The following OR5B3 variants were observed in gnomAD, a reference collection of about 807,000 sequenced individuals.
The protein encoded by OR5B3 is olfactory receptor family 5 subfamily B member 3.
For missense variants in OR5B3, 430 were observed against 375.4 expected (o/e 1.15, Z -1.20); for synonymous variants, 150 against 135.0 (o/e 1.11, Z -0.77).
At chr11:58,405,103 G>A (rs1855083515) in intron 1 of OR5B3, among the ~76,000 whole-genome samples, 1 of 152,056 alleles carries the variant, frequency 6.6e-6, no homozygotes, top group African/African-American at 2.4e-5. Flanking sequence ...TTATGTCCAT[G>A]TGTTCTCATA....
At position 58,403,306 on chromosome 11, in the gene OR5B3, A is replaced by G. The variant is rs1855060825; in HGVS notation, c.104T>C (p.Ile35Thr). The change falls in exon 2 of 2, where the codon ATC (isoleucine) becomes ACC (threonine). Residue 35 changes from isoleucine (I) to threonine (T), a missense_variant. Ile to Thr is a moderately conservative substitution (Grantham distance 89). Transcript: ENST00000641865. ...AATTCCCAGGTTTCCAACCAGAGTG[A>G]TAATATAGATGAAGGGGAACGTTAT... ...LFITFPFIYIITLVGNLGIIV... is the reference protein window; with the variant it reads ...LFITFPFIYITTLVGNLGIIV... The G allele has an allele frequency of 1.9e-6, 3 of 1,612,756 alleles. No homozygotes were observed. The highest frequency in any genetic ancestry group is 2.5e-6 in the Non-Finnish European group (3 of 1,178,894).
Position 58,402,956 on chromosome 11 carries a change from G to A in OR5B3, c.454C>T (p.Leu152=), listed in dbSNP as rs1311207558. The A allele has an allele frequency of 2.5e-6, 4 of 1,613,964 alleles. No homozygotes were observed. In the Admixed American group the frequency reaches 6.7e-5, roughly 27 times the overall value. ...TCCCCAGTGTGGATGGAGGCATTCA[G>A]GAAACCACAGAGGTAGGAGCCTATG... The part of the protein sequence containing the change: ...LAIGSYLCGF[L]NASIHTGDTF... The change falls in exon 2 of 2, where the codon CTG becomes TTG. Residue 152 remains leucine, a synonymous_variant. Coordinates refer to ENST00000641865, the MANE Select transcript of OR5B3 (RefSeq NM_001005469.2).
At chr11:58,406,217 G>GAAT (rs1554989638) in intron 1 of OR5B3, among the ~76,000 whole-genome samples, 13 of 151,784 alleles carry the variant, frequency 8.6e-5, no homozygotes, top group African/African-American at 3.1e-4. Flanking sequence ...GAGTTAGATA[G>GAAT]TATTATTACT....
In OR5B3 at chr11:58,402,665, A is replaced by G. The variant is rs780475439; in HGVS notation, c.745T>C (p.Phe249Leu). Residue 249 changes from phenylalanine to leucine, a missense_variant, in exon 2 of 2, where the codon TTC (phenylalanine) becomes CTC (leucine). Coordinates refer to ENST00000641865, the MANE Select transcript of OR5B3 (RefSeq NM_001005469.2). ...TACATGAAGATAATAGTCCCATAGA[A>G]GATGCCGACTGCAATGAAATGAGAG... The part of the protein sequence containing the change: ...CASHFIAVGI[F>L]YGTIIFMYLQ... 6.2e-7 allele frequency: 1 copy of G among 1,613,954 alleles called. No individual in the cohort carries two copies. The highest frequency in any genetic ancestry group is 1.1e-5 in the South Asian group (1 of 91,084).
chr11:58,403,087 A>C lies in OR5B3; in HGVS notation c.323T>G (p.Val108Gly). 6.2e-7 allele frequency: 1 copy of C among 1,614,140 alleles called. No homozygotes were observed. Among genetic ancestry groups the C allele is most frequent in the Non-Finnish European group, 8.5e-7 (1 of 1,179,992 alleles). Reference protein sequence around the residue: ...QMYIFVAFATVENYLLASMAY... With the variant: ...QMYIFVAFATGENYLLASMAY... ...CATTGAGGCCAAGAGGTAATTTTCC[A>C]CAGTGGCAAAAGCTACAAAGATATA... is the stretch of plus-strand genomic sequence containing the variant. The change falls in exon 2 of 2, where the codon GTG (valine) becomes GGG (glycine). Residue 108 changes from valine (V) to glycine (G), a missense_variant. Transcript: ENST00000641865.
rs749639742 is a variant in OR5B3 at position 58,402,566 on chromosome 11, T to A, written c.844A>T (p.Met282Leu). The change falls in exon 2 of 2, where the codon ATG (methionine) becomes TTG (leucine). Residue 282 changes from methionine to leucine, a missense_variant. By Grantham distance (15) the Met-to-Leu change is conservative. Coordinates refer to ENST00000641865, the MANE Select transcript of OR5B3 (RefSeq NM_001005469.2). ...AGACTATAGACCAGAGGGTTCAGCA[T>A]GGGGATGACCATTGTATAGAACACA... Reference protein sequence around the residue: ...APVFYTMVIPMLNPLVYSLRN... With the variant: ...APVFYTMVIPLLNPLVYSLRN... 1.2e-6 allele frequency: 2 copies of A among 1,613,410 alleles called. No individual in the cohort carries two copies. The highest frequency in any genetic ancestry group is 1.1e-5 in the South Asian group (1 of 91,062).
chr11:58,403,029 G>GC lies in OR5B3; in HGVS notation c.380_381insG (p.Leu128ProfsTer36), dbSNP rs1855053474. The GC allele has an allele frequency of 6.2e-7, 1 of 1,613,912 alleles. No individual in the cohort carries two copies. The highest frequency in any genetic ancestry group is 1.3e-5 in the African/African-American group (1 of 74,912). On this transcript the variant is annotated frameshift_variant, in exon 2 of 2. Transcript: ENST00000641865. LOFTEE classifies it low-confidence loss of function (END_TRUNC). ...TTGTCATGGTTGTGGTGTAATGTAGGGGTTTGCACACTGCTGCATAGCGGT... is the reference window on the plus strand; with the variant it reads ...TTGTCATGGTTGTGGTGTAATGTAGGCGGTTTGCACACTGCTGCATAGCGGT...
At chr11:58,404,937 C>T (rs1002163535) in intron 1 of OR5B3, among the ~76,000 whole-genome samples, 1 of 152,062 alleles carries the variant, frequency 6.6e-6, no homozygotes, top group Non-Finnish European at 1.5e-5. Flanking sequence ...AAGGGTTACA[C>T]GTGCAGATTT....
Position 58,402,576 on chromosome 11 carries a change from C to A in OR5B3, c.834G>T (p.Met278Ile). Residue 278 changes from methionine to isoleucine, a missense_variant, in exon 2 of 2, where the codon ATG becomes ATT. By Grantham distance (10) the Met-to-Ile change is conservative (BLOSUM62 1). Transcript: ENST00000641865. Reference protein sequence around the residue: ...TDKMAPVFYTMVIPMLNPLVY... With the variant: ...TDKMAPVFYTIVIPMLNPLVY... ...CCAGAGGGTTCAGCATGGGGATGAC[C>A]ATTGTATAGAACACAGGTGCCATTT... 1.9e-6 allele frequency: 3 copies of A among 1,613,336 alleles called. No individual in the cohort carries two copies. Among genetic ancestry groups the A allele is most frequent in the South Asian group, 1.1e-5 (1 of 91,052 alleles).
Position 58,403,052 on chromosome 11 carries a change from G to A in OR5B3, c.358C>T (p.Arg120Cys), listed in dbSNP as rs753880371. The A allele has an allele frequency of 1.8e-5, 29 of 1,613,936 alleles. No homozygotes were observed. The African/African-American group carries it at 1.9e-4, about 10-fold the overall frequency. ...NYLLASMAYD[R>C]YAAVCKPLHY... ...AGGGGTTTGCACACTGCTGCATAGC[G>A]GTCATAGGCCATTGAGGCCAAGAGG... is the stretch of plus-strand genomic sequence containing the variant. Residue 120 changes from arginine (R) to cysteine (C), a missense_variant, in exon 2 of 2, where the codon CGC becomes TGC. Physicochemically the swap from Arg to Cys is radical, Grantham distance 180 (BLOSUM62 -3). Transcript: ENST00000641865.
Position 58,402,552 on chromosome 11 carries a change from C to T in OR5B3, c.858G>A (p.Leu286=). 1 of 1,612,808 alleles carries T rather than the reference C, an allele frequency of 6.2e-7. No individual in the cohort carries two copies. The highest frequency in any genetic ancestry group is 2.2e-5 in the East Asian group (1 of 44,872). ...CTTCCTTGTTCCTCAGACTATAGAC[C>T]AGAGGGTTCAGCATGGGGATGACCA... is the stretch of plus-strand genomic sequence containing the variant. ...YTMVIPMLNP[L]VYSLRNKEVK... The change falls in exon 2 of 2, where the codon CTG becomes CTA. Residue 286 remains leucine, a synonymous_variant. Transcript: ENST00000641865.
intron 1 of OR5B3, among the ~76,000 whole-genome samples, chr11:58,405,704 T>A (rs1855090092): frequency 1.3e-5 from 2 of 152,076 alleles, no homozygotes; most frequent in African/African-American, 4.8e-5. Flanking sequence ...CCATGGCACA[T>A]CTTAGCTATG....
rs747129035 is a variant in OR5B3, at chr11:58,402,578, T to C, written c.832A>G (p.Met278Val). ...TDKMAPVFYT[M>V]VIPMLNPLVY... is the part of the protein sequence containing the mutation. ...AGAGGGTTCAGCATGGGGATGACCA[T>C]TGTATAGAACACAGGTGCCATTTTG... The change falls in exon 2 of 2, where the codon ATG becomes GTG. Residue 278 changes from methionine to valine, a missense_variant. By Grantham distance (21) the Met-to-Val change is conservative. Coordinates refer to ENST00000641865, the MANE Select transcript of OR5B3 (RefSeq NM_001005469.2). The C allele has an allele frequency of 2.5e-6, 4 of 1,613,194 alleles. No individual in the cohort carries two copies. Among genetic ancestry groups the C allele is most frequent in the Admixed American group, 1.7e-5 (1 of 59,968 alleles).
Position 58,402,919 on chromosome 11 carries a change from A to G in OR5B3, c.491T>C (p.Leu164Pro). ...GACTTCATTGGACTTACAGAAAGAGAGACTAAATGTGTCCCCAGTGTGGAT... is the reference window on the plus strand; with the variant it reads ...GACTTCATTGGACTTACAGAAAGAGGGACTAAATGTGTCCCCAGTGTGGAT... ...ASIHTGDTFS[L>P]SFCKSNEVHH... The change falls in exon 2 of 2, where the codon CTC becomes CCC. Residue 164 changes from leucine (L) to proline (P), a missense_variant. Coordinates refer to ENST00000641865, the MANE Select transcript of OR5B3 (RefSeq NM_001005469.2). 13 of 1,614,004 alleles carry G rather than the reference A, an allele frequency of 8.1e-6. No individual in the cohort carries two copies. The highest frequency in any genetic ancestry group is 1.1e-5 in the Non-Finnish European group (13 of 1,179,872).
At position 58,402,552 on chromosome 11, in the gene OR5B3, C is replaced by G. The variant is rs12271646; in HGVS notation, c.858G>C (p.Leu286=). 0.35 allele frequency: 558,038 copies of G among 1,606,560 alleles called. 99,961 individuals carry two copies. Among genetic ancestry groups the G allele is most frequent in the Non-Finnish European group, 0.37 (432,009 of 1,173,300 alleles). The change falls in exon 2 of 2, where the codon CTG becomes CTC. Residue 286 remains leucine (L), a synonymous_variant. Coordinates refer to ENST00000641865, the MANE Select transcript of OR5B3 (RefSeq NM_001005469.2). ...CTTCCTTGTTCCTCAGACTATAGAC[C>G]AGAGGGTTCAGCATGGGGATGACCA... ...YTMVIPMLNP[L]VYSLRNKEVK... is the part of the protein sequence containing the mutation.
intron 1 of OR5B3, among the ~76,000 whole-genome samples, chr11:58,404,008 A>T (rs573301918): frequency 6.6e-6 from 1 of 152,326 alleles, no homozygotes; most frequent in East Asian, 1.9e-4. Context: ...AATTTAAATC[A>T]AATTGAATAC....
Position 58,402,552 on chromosome 11 carries a change from C to A in OR5B3, c.858G>T (p.Leu286=), listed in dbSNP as rs12271646. 83 of 1,612,762 alleles carry A rather than the reference C, an allele frequency of 5.1e-5. No homozygotes were observed. Among genetic ancestry groups the A allele is most frequent in the Middle Eastern group, 1.6e-4 (1 of 6,084 alleles). The change falls in exon 2 of 2, where the codon CTG becomes CTT. Residue 286 remains leucine, a synonymous_variant. Transcript: ENST00000641865. ...YTMVIPMLNP[L]VYSLRNKEVK... is the part of the protein sequence containing the mutation. ...CTTCCTTGTTCCTCAGACTATAGACCAGAGGGTTCAGCATGGGGATGACCA... is the reference window on the plus strand; with the variant it reads ...CTTCCTTGTTCCTCAGACTATAGACAAGAGGGTTCAGCATGGGGATGACCA...
chr11:58,402,627 G>T lies in OR5B3; in HGVS notation c.783C>A (p.Ser261Arg), dbSNP rs541822456. ...GTIIFMYLQP[S>R]SSHSMDTDKM... ...TGTCTGTGTCCATGGAGTGACTGGA[G>T]CTGGGTTGTAAGTACATGAAGATAA... The change falls in exon 2 of 2, where the codon AGC becomes AGA. Residue 261 changes from serine to arginine, a missense_variant. By Grantham distance (110) the Ser-to-Arg change is moderately radical. Coordinates refer to ENST00000641865, the MANE Select transcript of OR5B3 (RefSeq NM_001005469.2). The T allele has an allele frequency of 8.1e-6, 13 of 1,613,956 alleles. No individual in the cohort carries two copies. The Admixed American group carries it at 8.3e-5, about 10-fold the overall frequency.
Position 58,405,798 on chromosome 11 carries a change from T to C in OR5B3, c.-27+1003A>G, listed in dbSNP as rs370522773. Reference sequence around the variant, plus strand: ...TAAAAAGACACATGTACCTGTATGATCATCAGCACGCTATTCACAACAATG... The same window carrying C: ...TAAAAAGACACATGTACCTGTATGACCATCAGCACGCTATTCACAACAATG... On this transcript the variant is annotated intron_variant, in intron 1 of 1. Coordinates refer to ENST00000641865, the MANE Select transcript of OR5B3 (RefSeq NM_001005469.2). Among the ~76,000 whole-genome samples the C allele has an allele frequency of 1.4e-4, 21 of 152,146 alleles. No individual in the cohort carries two copies. In the East Asian group the frequency reaches 3.7e-3, roughly 27 times the overall value.
Sources: gnomAD v4.1 joint callset for allele counts (sites outside exome capture counted in the v4.1 genomes callset) on GRCh38, gnomAD v4.1.1 for gene constraint, MANE v1.5 for transcripts, NCBI Gene and HGNC (gene_info 2026-07-23, HGNC 2026-07-21) for gene names.